The following ITGA8 variants were observed in gnomAD, a reference collection of about 807,000 sequenced individuals.
ITGA8 encodes the protein integrin subunit alpha 8.
ITGA8 carries 91 observed loss-of-function variants against 142.3 expected under a neutral mutation model. The observed-to-expected ratio is 0.64, with a 90% CI of 0.54 to 0.76. The LOEUF is 0.76. ITGA8 is among the 30% of genes least tolerant of loss of function. The pLI, the probability that ITGA8 is intolerant of heterozygous loss-of-function variation, is 0.00. For missense variants in ITGA8, 1,406 were observed against 1,327.7 expected, an observed-to-expected ratio of 1.06 and a Z score of -0.92; for synonymous variants, 505 against 485.2, an observed-to-expected ratio of 1.04 and a Z score of -0.54.
chr10:15,539,162 T>G (rs1447231976), intron 27 of ITGA8, among the ~76,000 whole-genome samples: 1 of 152,134 alleles, frequency 6.6e-6, no homozygotes, highest in East Asian at 1.9e-4. Flanking sequence ...GCCTCTCACT[T>G]CCTCAAAGTG....
chr10:15,708,101 C>A (rs182039242), intron 2 of ITGA8, among the ~76,000 whole-genome samples: 3 of 152,180 alleles, frequency 2.0e-5, no homozygotes, highest in African/African-American at 7.2e-5. Flanking sequence ...TGTTAGTGGA[C>A]GTACTCCACG....
At chr10:15,705,905 C>T (rs370593742) in intron 2 of ITGA8, among the ~76,000 whole-genome samples, 4 of 152,124 alleles carry the variant, frequency 2.6e-5, no homozygotes, top group African/African-American at 9.7e-5. Flanking sequence ...CTGTAAATGT[C>T]ATGGTGCCCC....
At chr10:15,645,461 G>C (rs1833963558) in intron 12 of ITGA8, among the ~76,000 whole-genome samples, 1 of 152,176 alleles carries the variant, frequency 6.6e-6, no homozygotes, top group Non-Finnish European at 1.5e-5. Context: ...GAGTGATCAG[G>C]AATAGAGCAG....
chr10:15,717,893 A>G (rs1397060092), intron 2 of ITGA8, among the ~76,000 whole-genome samples: 3 of 152,244 alleles, frequency 2.0e-5, no homozygotes, highest in Non-Finnish European at 4.4e-5. Flanking sequence ...AATCAAAGAA[A>G]TCAAGTATGT....
chr10:15,669,147 C>T (rs1241352722), intron 8 of ITGA8, among the ~76,000 whole-genome samples: 2 of 152,320 alleles, frequency 1.3e-5, no homozygotes, highest in African/African-American at 4.8e-5. Flanking sequence ...CTGTCACTTT[C>T]AGGCACACCA....
In ITGA8 at chr10:15,530,529, G is replaced by A. The variant is rs1249310575; in HGVS notation, c.2982+521C>T. ...CCCCTGCACTCCAACCTGGGCGACA[G>A]AGCGAGACTCTCAAAAAAAAAAAAA... On this transcript the variant is annotated intron_variant, in intron 28 of 29. Transcript: ENST00000378076. Among the ~76,000 whole-genome samples, 10 of 112,616 alleles carry A rather than the reference G, an allele frequency of 8.9e-5. No homozygotes were observed. The Admixed American group carries it at 9.0e-4, about 10-fold the overall frequency. 73.9% of individuals were successfully genotyped at this position (112,616 alleles called of 152,430 possible).
At chr10:15,696,150 A>G (rs962606332) in intron 2 of ITGA8, among the ~76,000 whole-genome samples, 1 of 152,212 alleles carries the variant, frequency 6.6e-6, no homozygotes, top group African/African-American at 2.4e-5. Context: ...TTACCCCGGG[A>G]GGACTGTCAA....
intron 26 of ITGA8, among the ~76,000 whole-genome samples, chr10:15,551,270 G>C (rs1459546871): frequency 1.3e-5 from 2 of 151,792 alleles, no homozygotes; most frequent in Non-Finnish European, 1.5e-5. Flanking sequence ...AGAGAGAAGA[G>C]GAGGGGGCTG....
Position 15,655,374 on chromosome 10 carries a change from T to C in ITGA8, c.981A>G (p.Val327=), listed in dbSNP as rs772758484. ...MASYFGYTVV[V]SDVNSDGLDD... Reference sequence around the variant, plus strand: ...CTTACCCATCACTGTTAACATCTGATACGACAACGGTATATCCAAAATAAG... The same window carrying C: ...CTTACCCATCACTGTTAACATCTGACACGACAACGGTATATCCAAAATAAG... The change falls in exon 11 of 30, where the codon GTA becomes GTG. Residue 327 remains valine (V), a synonymous_variant. Coordinates refer to ENST00000378076, the MANE Select transcript of ITGA8 (RefSeq NM_003638.3). 45 of 1,609,316 alleles carry C rather than the reference T, an allele frequency of 2.8e-5. 1 individual carries two copies. In the Admixed American group the frequency reaches 6.2e-4, roughly 22 times the overall value.
At chr10:15,605,642 G>T in intron 19 of ITGA8, 82 bp downstream of exon 19, 2 of 1,128,536 alleles carry the variant, frequency 1.8e-6, no homozygotes, top group African/African-American at 1.5e-5. Context: ...TATTGGAAGT[G>T]TATACTTTCT....
intron 8 of ITGA8, among the ~76,000 whole-genome samples, chr10:15,668,221 T>G (rs976595035): frequency 6.6e-6 from 1 of 152,218 alleles, no homozygotes; most frequent in African/African-American, 2.4e-5. Context: ...GGTGCATATA[T>G]ATTTAGGATA....
intron 1 of ITGA8, 66 bp from the exon 2 acceptor site, chr10:15,718,965 C>G: frequency 6.2e-7 from 1 of 1,607,992 alleles, no homozygotes; most frequent in South Asian, 1.1e-5. Context: ...AATGCAGTCT[C>G]TGTAACCTCC....
At chr10:15,672,301 GT>G (rs563848693) in intron 7 of ITGA8, among the ~76,000 whole-genome samples, 101 of 152,310 alleles carry the variant, frequency 6.6e-4, no homozygotes, top group African/African-American at 2.4e-3. Flanking sequence ...GTGCGTCTCT[GT>G]TAACTAAGAA....
rs553370729 is a variant in ITGA8, at chr10:15,668,353, T to C, written c.847+3250A>G. On this transcript the variant is annotated intron_variant, in intron 8 of 29. Transcript: ENST00000378076. Reference sequence around the variant, plus strand: ...ACTAGGATTGCAACCCCTGCCTTTTTTTGTTTTCCATTTGCTTGGTAGATC... The same window carrying C: ...ACTAGGATTGCAACCCCTGCCTTTTCTTGTTTTCCATTTGCTTGGTAGATC... Among the ~76,000 whole-genome samples, 473 of 151,704 alleles carry C rather than the reference T, an allele frequency of 3.1e-3. 2 individuals are homozygous for C. Among genetic ancestry groups the C allele is most frequent in the African/African-American group, 0.011 (441 of 41,400 alleles).
chr10:15,606,571 T>C (rs1169364227), intron 17 of ITGA8, 149 bp from the exon 18 acceptor site: 3 of 687,916 alleles, frequency 4.4e-6, no homozygotes, highest in Non-Finnish European at 7.2e-6. Context: ...GAGGCTGATT[T>C]ATGTGGTATA....
At chr10:15,656,250 C>T (rs768191367) in intron 10 of ITGA8, among the ~76,000 whole-genome samples, 11 of 152,136 alleles carry the variant, frequency 7.2e-5, no homozygotes, top group Non-Finnish European at 1.2e-4. Context: ...GTTTTCATGT[C>T]GGGGGAACCC....
At chr10:15,564,441 C>T (rs931549206) in intron 25 of ITGA8, among the ~76,000 whole-genome samples, 1 of 152,218 alleles carries the variant, frequency 6.6e-6, no homozygotes, top group African/African-American at 2.4e-5. Context: ...CAGGACAATT[C>T]ATTAAGTGCT....
At chr10:15,611,786 G>A (rs1288056939) in intron 15 of ITGA8, among the ~76,000 whole-genome samples, 1 of 141,592 alleles carries the variant, frequency 7.1e-6, no homozygotes, top group East Asian at 2.1e-4. Flanking sequence ...GCCCCAAACA[G>A]AACTCTTAAT....
intron 27 of ITGA8, among the ~76,000 whole-genome samples, chr10:15,541,183 TTG>T (rs1013013724): frequency 6.6e-6 from 1 of 152,184 alleles, no homozygotes; most frequent in African/African-American, 2.4e-5. Context: ...CTGTTGGAGA[TTG>T]TGACTTTCCT....
Sources: allele counts gnomAD v4.1 joint callset (sites outside exome capture counted in the v4.1 genomes callset), GRCh38; gene constraint gnomAD v4.1.1; transcripts MANE v1.5; gene names NCBI Gene and HGNC (gene_info 2026-07-23, HGNC 2026-07-21).